AKR1C2: variants seen among roughly 807,000 people sequenced by gnomAD.
AKR1C2 encodes 3-alpha-HSD3.
Under a neutral mutation model 39.8 loss-of-function variants are expected in AKR1C2, and 27 were observed. The observed-to-expected ratio is 0.68, with a 90% CI of 0.50 to 0.93. The LOEUF (loss-of-function observed/expected upper bound fraction) is 0.93. AKR1C2 is among the 40% of genes least tolerant of loss of function. The probability of loss-of-function intolerance (pLI) is 0.00; values close to 1 mark genes in which losing one functional copy is unlikely to be tolerated. For synonymous variants in AKR1C2, 114 were observed against 137.9 expected (o/e 0.83, Z 1.22); for missense variants, 263 against 365.1 (o/e 0.72, Z 2.28).
rs567718455 is a variant in AKR1C2 at position 4,988,390 on chromosome 10, C to A, written c.*1606G>T. The A allele has an allele frequency of 6.3e-4, 95 of 151,514 alleles. 5 individuals carry two copies. The highest frequency in any genetic ancestry group is 1.5e-4 in the Non-Finnish European group (10 of 67,900). The allele number at this position is 151,514 out of a possible 1,614,324, so 9.4% of individuals were successfully genotyped here. A position where few individuals can be genotyped will look rare whatever the true frequency, so the allele number is the denominator to read the frequency against. Reference sequence around the variant, plus strand: ...ATGCAGAGTTCACATTATGATCTTCCATTGAAGATTTGGAGGAAAACGCTG... The same window carrying A: ...ATGCAGAGTTCACATTATGATCTTCAATTGAAGATTTGGAGGAAAACGCTG... On this transcript the variant is annotated 3_prime_UTR_variant, in exon 9 of 9. Transcript: ENST00000380753.
chr10:5,006,154 G>A (rs1325149698), upstream of AKR1C2: 2 of 152,142 alleles, frequency 1.3e-5, no homozygotes, highest in Non-Finnish European at 2.9e-5. Context: ...TCCCAGAAGG[G>A]GAAGTGCAAA....
chr10:5,013,466 A>C (rs1837565143), intron 1 of AKR1C2: 1 of 171,624 alleles, frequency 5.8e-6, no homozygotes, highest in Admixed American at 5.8e-5. Flanking sequence ...GCACAAAGTC[A>C]GAAATGGCCC....
chr10:5,015,953 G>A (rs1436565361), intron 1 of AKR1C2: 1 of 152,162 alleles, frequency 6.6e-6, no homozygotes, highest in Non-Finnish European at 1.5e-5. Context: ...GAGAGAGAGA[G>A]AGAGAAAGAA....
In AKR1C2 at chr10:4,989,241, A is replaced by G. The variant is rs1836756344; in HGVS notation, c.*755T>C. The G allele has an allele frequency of 6.6e-6, 1 of 152,208 alleles. No homozygotes were observed. The highest frequency in any genetic ancestry group is 1.5e-5 in the Non-Finnish European group (1 of 68,056). The allele number at this position is 152,208 out of a possible 1,614,324, so 9.4% of individuals were successfully genotyped here. A position where few individuals can be genotyped will look rare whatever the true frequency, so the allele number is the denominator to read the frequency against. ...CAACGTTGTGAATGGGCACACATCA[A>G]AGATTCAGGCCTGACTCTCAGCTGT... On this transcript the variant is annotated 3_prime_UTR_variant, in exon 9 of 9. Coordinates refer to ENST00000380753, the MANE Select transcript of AKR1C2 (RefSeq NM_001393392.1).
chr10:5,002,831 C>T (rs1484846715), intron 1 of AKR1C2, among the ~76,000 whole-genome samples: 3 of 152,176 alleles, frequency 2.0e-5, no homozygotes, highest in Non-Finnish European at 2.9e-5. Context: ...CTTACCAAGG[C>T]CGGAGCTTCA....
At chr10:5,005,514 C>A (rs567136197), upstream of AKR1C2, among the ~76,000 whole-genome samples, 115 of 56,198 alleles carry the variant, frequency 2.0e-3, 1 homozygote, top group African/African-American at 7.6e-3. Flanking sequence ...AACCCCGTCT[C>A]TACTAAAATC....
At chr10:4,997,770 G>A (rs1837109875) in intron 5 of AKR1C2, among the ~76,000 whole-genome samples, 1 of 152,128 alleles carries the variant, frequency 6.6e-6, no homozygotes, top group African/African-American at 2.4e-5. Context: ...AACAAAAAAT[G>A]TAAGTTACTG....
At chr10:4,998,867 G>T (rs1473764994) in intron 4 of AKR1C2, 120 bp from the exon 5 acceptor site, 40 of 1,469,204 alleles carry the variant, frequency 2.7e-5, no homozygotes, top group Non-Finnish European at 3.6e-5. Flanking sequence ...GCTAGCCGTG[G>T]TTCTTAAAAG....
intron 1 of AKR1C2, among the ~76,000 whole-genome samples, chr10:5,002,303 C>T (rs1200561679): frequency 1.3e-5 from 2 of 152,152 alleles, no homozygotes; most frequent in Admixed American, 6.5e-5. Flanking sequence ...CAAACAGTTA[C>T]GTAGAGCCAC....
At chr10:4,991,444 C>T (rs1836840349) in intron 8 of AKR1C2, among the ~76,000 whole-genome samples, 1 of 152,134 alleles carries the variant, frequency 6.6e-6, no homozygotes, top group South Asian at 2.1e-4. Context: ...AGACATTGAG[C>T]AGGTTGGGAA....
chr10:5,007,217 T>A (rs564979787), upstream of AKR1C2, among the ~76,000 whole-genome samples: 2 of 143,660 alleles, frequency 1.4e-5, no homozygotes, highest in South Asian at 4.7e-4. Flanking sequence ...CAACGTGAAG[T>A]CATATAGAGG....
intron 7 of AKR1C2, among the ~76,000 whole-genome samples, chr10:4,993,106 G>C (rs1836899345): frequency 2.0e-5 from 3 of 152,138 alleles, no homozygotes; most frequent in African/African-American, 7.2e-5. Flanking sequence ...TGATCTGCAG[G>C]CTTATTACAA....
chr10:4,998,669 T>C lies in AKR1C2; in HGVS notation c.526A>G (p.Ile176Val). The C allele has an allele frequency of 1.9e-6, 3 of 1,614,142 alleles. No homozygotes were observed. Among genetic ancestry groups the C allele is most frequent in the Non-Finnish European group, 2.5e-6 (3 of 1,180,032 alleles). Residue 176 changes from isoleucine (I) to valine (V), a missense_variant, in exon 5 of 9, where the codon ATC becomes GTC. Around this residue, in one of 3 missense-constraint regions of AKR1C2, gnomAD observed 247 missense variants for 267.9 expected, o/e 0.92. Coordinates refer to ENST00000380753, the MANE Select transcript of AKR1C2 (RefSeq NM_001393392.1). The stretch of plus-strand genomic sequence containing the variant: ...TACTTGAGCCCTGGCTTGTTGAGGA[T>C]CATCTCCAGCAGCCTGTGGTTGAAG... The part of the protein sequence containing the change: ...SNFNHRLLEM[I>V]LNKPGLKYKP...
Position 5,000,580 on chromosome 10 carries a change from G to A in AKR1C2, c.339C>T (p.Leu113=). The A allele has an allele frequency of 6.2e-7, 1 of 1,613,996 alleles. No individual in the cohort carries two copies. Residue 113 remains leucine, a synonymous_variant, in exon 3 of 9, where the codon CTC becomes CTT. Coordinates refer to ENST00000380753, the MANE Select transcript of AKR1C2 (RefSeq NM_001393392.1). The part of the protein sequence containing the change: ...LKNLQLDYVD[L]YLIHFPVSVK... Reference sequence around the variant, plus strand: ...CAGACACTGGAAAATGAATAAGATAGAGGTCAACATAGTCCAATTGAAGAT... The same window carrying A: ...CAGACACTGGAAAATGAATAAGATAAAGGTCAACATAGTCCAATTGAAGAT...
intron 1 of AKR1C2, among the ~76,000 whole-genome samples, chr10:5,017,165 T>A (rs1287386867): frequency 1.3e-5 from 2 of 152,254 alleles, no homozygotes; most frequent in Non-Finnish European, 2.9e-5. Context: ...TCTTGGCTAT[T>A]AACATTTGGC....
At chr10:5,014,707 T>C (rs554517257) in intron 1 of AKR1C2, among the ~76,000 whole-genome samples, 4 of 152,290 alleles carry the variant, frequency 2.6e-5, no homozygotes, top group East Asian at 1.9e-4. Flanking sequence ...TCTAGCTAGA[T>C]TGGAATTCCT....
chr10:4,990,430 C>T (rs1588296434), intron 8 of AKR1C2, among the ~76,000 whole-genome samples: 3 of 152,294 alleles, frequency 2.0e-5, no homozygotes, highest in Admixed American at 6.5e-5. Context: ...GATATATGCT[C>T]ATCACTAATA....
chr10:5,012,338 A>G (rs1220581389), intron 1 of AKR1C2, among the ~76,000 whole-genome samples: 1 of 151,920 alleles, frequency 6.6e-6, no homozygotes, highest in Admixed American at 6.6e-5. Context: ...GGAAGCTGTG[A>G]CTATGTTACC....
chr10:5,011,956 G>A (rs1937856), intron 1 of AKR1C2, among the ~76,000 whole-genome samples: 126,618 of 151,958 alleles, frequency 0.83, 52,865 homozygotes, highest in African/African-American at 0.87. Flanking sequence ...GTATAATCTA[G>A]GTATGAGTAG....
Sources: gnomAD v4.1 joint callset for allele counts (sites outside exome capture counted in the v4.1 genomes callset) on GRCh38, gnomAD v4.1.1 for gene constraint, gnomAD v4.1.1 regional missense constraint, MANE v1.5 for transcripts, NCBI Gene and HGNC (gene_info 2026-07-23, HGNC 2026-07-21) for gene names.